The following NCAM2 variants were observed in gnomAD, a reference collection of about 807,000 sequenced individuals.
NCAM2 encodes the protein neural cell adhesion molecule 2, also known as N-CAM-2.
Under a neutral mutation model 98.1 loss-of-function variants are expected in NCAM2, and 30 were observed. That is an observed-to-expected ratio of 0.31 (90% confidence interval 0.23 to 0.41). The LOEUF (loss-of-function observed/expected upper bound fraction) is 0.41. Ranked by LOEUF, NCAM2 falls within the 10% of genes least tolerant of loss-of-function variation. The pLI is 1.00. For missense variants in NCAM2, 867 were observed against 1,005.8 expected (o/e 0.86, Z 1.87); for synonymous variants, 368 against 342.4 (o/e 1.07, Z -0.83).
chr21:21,261,774 T>G (rs1019420681), intron 1 of NCAM2, among the ~76,000 whole-genome samples: 2 of 151,804 alleles, frequency 1.3e-5, no homozygotes, highest in Middle Eastern at 3.2e-3. Flanking sequence ...GATCTCAAAT[T>G]TACAACCTAA....
At chr21:21,219,287 C>T (rs1398023593) in intron 1 of NCAM2, among the ~76,000 whole-genome samples, 1 of 152,030 alleles carries the variant, frequency 6.6e-6, no homozygotes, top group Non-Finnish European at 1.5e-5. Flanking sequence ...TGAAAGCCAC[C>T]AAGATTGTGA....
chr21:21,357,476 C>A (rs2075521438), intron 8 of NCAM2, among the ~76,000 whole-genome samples: 2 of 151,996 alleles, frequency 1.3e-5, no homozygotes, highest in Admixed American at 6.6e-5. Context: ...ACCAACAAAT[C>A]CATAATTATT....
intron 1 of NCAM2, among the ~76,000 whole-genome samples, chr21:21,062,032 C>T (rs983493276): frequency 6.6e-6 from 1 of 152,092 alleles, no homozygotes; most frequent in Non-Finnish European, 1.5e-5. Context: ...CACCATCTCT[C>T]CTCACTTAAA....
chr21:21,339,927 T>C (rs1280602169), intron 8 of NCAM2, among the ~76,000 whole-genome samples: 1 of 151,850 alleles, frequency 6.6e-6, no homozygotes, highest in African/African-American at 2.4e-5. Flanking sequence ...ATTTTATATA[T>C]TCAAGTTGAA....
intron 15 of NCAM2, among the ~76,000 whole-genome samples, chr21:21,507,599 C>T (rs1343074086): frequency 1.3e-5 from 2 of 151,912 alleles, no homozygotes; most frequent in Non-Finnish European, 2.9e-5. Flanking sequence ...CGAGACCATC[C>T]TGGCTAACAC....
At chr21:21,336,126 A>T (rs1050930000) in intron 7 of NCAM2, among the ~76,000 whole-genome samples, 1 of 152,164 alleles carries the variant, frequency 6.6e-6, no homozygotes, top group African/African-American at 2.4e-5. Flanking sequence ...ACCAAGAGCC[A>T]TATTATCTTA....
chr21:21,495,804 A>G (rs1360149809), intron 15 of NCAM2, among the ~76,000 whole-genome samples: 1 of 151,896 alleles, frequency 6.6e-6, no homozygotes, highest in Non-Finnish European at 1.5e-5. Context: ...TTCGAAAACC[A>G]TCTCAAACAT....
intron 8 of NCAM2, among the ~76,000 whole-genome samples, chr21:21,341,677 TTCAGAGAGGAGGG>T (rs1349700900): frequency 6.6e-6 from 1 of 151,616 alleles, no homozygotes; most frequent in African/African-American, 2.4e-5. Flanking sequence ...TTTTAGATTT[TTCAGAGAGGAGGG>T]TCTCAATTAA....
At chr21:21,448,051 C>T (rs1217057858) in intron 12 of NCAM2, among the ~76,000 whole-genome samples, 1 of 151,990 alleles carries the variant, frequency 6.6e-6, no homozygotes, top group African/African-American at 2.4e-5. Flanking sequence ...TGCATATATA[C>T]CCAAAGGAAT....
intron 5 of NCAM2, among the ~76,000 whole-genome samples, chr21:21,299,962 G>T (rs1157628478): frequency 1.3e-5 from 2 of 151,906 alleles, no homozygotes; most frequent in African/African-American, 4.8e-5. Flanking sequence ...CTCTAGATTA[G>T]TTATAATACT....
chr21:21,073,400 C>G (rs1228982837), intron 1 of NCAM2, among the ~76,000 whole-genome samples: 1 of 152,070 alleles, frequency 6.6e-6, no homozygotes, highest in East Asian at 1.9e-4. Context: ...AGATACAGAT[C>G]ACAATATTTA....
rs796744451 is a variant in NCAM2 at position 21,040,602 on chromosome 21, TA to T, written c.55+41994del. ...TACACAATGGAATACCGTTCAGTCTTAAAAAAAAAAGAAATCTTGTCATTCA... is the reference window on the plus strand; with the variant it reads ...TACACAATGGAATACCGTTCAGTCTTAAAAAAAAAGAAATCTTGTCATTCA... On this transcript the variant is annotated intron_variant, in intron 1 of 17. Transcript: ENST00000400546. Among the ~76,000 whole-genome samples, 188 of 148,382 alleles carry T rather than the reference TA, an allele frequency of 1.3e-3. 4 individuals carry two copies. Among genetic ancestry groups the T allele is most frequent in the African/African-American group, 3.6e-3 (147 of 40,448 alleles).
At chr21:21,059,529 A>G (rs865813975) in intron 1 of NCAM2, among the ~76,000 whole-genome samples, 1 of 152,156 alleles carries the variant, frequency 6.6e-6, no homozygotes, top group Admixed American at 6.6e-5. Context: ...GGAACCTAAC[A>G]TAAGAACCTT....
At chr21:21,187,460 AAC>A (rs1160109205) in intron 1 of NCAM2, among the ~76,000 whole-genome samples, 4 of 151,044 alleles carry the variant, frequency 2.6e-5, no homozygotes, top group Non-Finnish European at 4.4e-5. Context: ...CAACAACAAC[AAC>A]AAAAAAGGGA....
At chr21:21,046,434 G>T (rs150686673) in intron 1 of NCAM2, among the ~76,000 whole-genome samples, 1,746 of 152,138 alleles carry the variant, frequency 0.011, 14 homozygotes, top group Non-Finnish European at 0.018. Flanking sequence ...GATTCTATTG[G>T]ATTATCTGTT....
chr21:21,502,520 ATCT>A (rs1987704600), intron 15 of NCAM2, among the ~76,000 whole-genome samples: 1 of 151,906 alleles, frequency 6.6e-6, no homozygotes, highest in South Asian at 2.1e-4. Context: ...GGATTTTTTA[ATCT>A]TCTTTAGTTT....
intron 1 of NCAM2, among the ~76,000 whole-genome samples, chr21:21,061,525 TTGATAACC>T (rs2065321445): frequency 6.6e-6 from 1 of 152,180 alleles, no homozygotes; most frequent in Non-Finnish European, 1.5e-5. Context: ...GCCCCTTTGA[TTGATAACC>T]TGATTGGAAA....
Position 21,200,650 on chromosome 21 carries a change from A to G in NCAM2, c.56-79928A>G, listed in dbSNP as rs1220987830. On this transcript the variant is annotated intron_variant, in intron 1 of 17. Transcript: ENST00000400546. ...TTTTTTTTGCTGGTTAACTTACCACACTGCTATCTTGTATTTTACAGGAAA... is the reference window on the plus strand; with the variant it reads ...TTTTTTTTGCTGGTTAACTTACCACGCTGCTATCTTGTATTTTACAGGAAA... Among the ~76,000 whole-genome samples, 4 of 152,080 alleles carry G rather than the reference A, an allele frequency of 2.6e-5. No individual in the cohort carries two copies. The East Asian group carries it at 7.7e-4, about 29-fold the overall frequency.
chr21:21,058,834 T>C (rs1458745538), intron 1 of NCAM2, among the ~76,000 whole-genome samples: 1 of 152,116 alleles, frequency 6.6e-6, no homozygotes, highest in Admixed American at 6.6e-5. Flanking sequence ...CCATTCTTCA[T>C]TGTATTTCTT....
Sources: allele counts gnomAD v4.1 joint callset (sites outside exome capture counted in the v4.1 genomes callset), GRCh38; gene constraint gnomAD v4.1.1; transcripts MANE v1.5; gene names NCBI Gene and HGNC (gene_info 2026-07-23, HGNC 2026-07-21).